LRMDA: variants seen among roughly 807,000 people sequenced by gnomAD.
The protein encoded by LRMDA is leucine rich melanocyte differentiation associated, also known as leucine-rich melanocyte differentiation-associated protein.
Under a neutral mutation model 29.8 loss-of-function variants are expected in LRMDA, and 18 were observed. That is an observed-to-expected ratio of 0.60 (90% CI 0.42 to 0.90). The LOEUF (loss-of-function observed/expected upper bound fraction) is 0.90, where lower values mean the gene tolerates loss of function less well. Among genes scored for constraint, LRMDA ranks in the 40% least tolerant of loss-of-function variants. The pLI, the probability that LRMDA is intolerant of heterozygous loss-of-function variation, is 0.00. For missense variants in LRMDA, 273 were observed against 273.9 expected (o/e 1.00, Z 0.02); for synonymous variants, 125 against 109.4 (o/e 1.14, Z -0.89).
At chr10:75,550,141 G>A (rs970822115) in intron 2 of LRMDA, among the ~76,000 whole-genome samples, 1 of 152,086 alleles carries the variant, frequency 6.6e-6, no homozygotes, top group Non-Finnish European at 1.5e-5. Flanking sequence ...AATGTTCCAT[G>A]GGCCCTTCAA....
chr10:76,122,140 G>A (rs922642162), intron 5 of LRMDA, among the ~76,000 whole-genome samples: 1 of 152,214 alleles, frequency 6.6e-6, no homozygotes, highest in African/African-American at 2.4e-5. Flanking sequence ...GTAGATGAGA[G>A]TTCCAGGCAG....
At chr10:76,540,361 C>T (rs1438084523) in intron 6 of LRMDA, among the ~76,000 whole-genome samples, 1 of 151,644 alleles carries the variant, frequency 6.6e-6, no homozygotes, top group Admixed American at 6.5e-5. Flanking sequence ...TCACGTATTA[C>T]TGGTTATTTT....
rs933414239 is a variant in LRMDA at position 76,558,938 on chromosome 10, T to G, written c.*1650T>G. The G allele has an allele frequency of 8.5e-5, 13 of 152,214 alleles. No individual in the cohort carries two copies. Among genetic ancestry groups the G allele is most frequent in the African/African-American group, 3.1e-4 (13 of 41,448 alleles). The allele number at this position is 152,214 out of a possible 1,614,324, so 9.4% of individuals were successfully genotyped here. A position where few individuals can be genotyped will look rare whatever the true frequency, so the allele number is the denominator to read the frequency against. ...AGAATGTTGAATGTTTGCATTTATCTCTCAAATCCATTAGTAACTGGATTT... is the reference window on the plus strand; with the variant it reads ...AGAATGTTGAATGTTTGCATTTATCGCTCAAATCCATTAGTAACTGGATTT... On this transcript the variant is annotated 3_prime_UTR_variant, in exon 7 of 7. Transcript: ENST00000611255.
intron 6 of LRMDA, among the ~76,000 whole-genome samples, chr10:76,506,469 G>A (rs992048857): frequency 6.6e-6 from 1 of 152,078 alleles, no homozygotes; most frequent in African/African-American, 2.4e-5. Flanking sequence ...CCAGGAGGCT[G>A]GGGCGACAAG....
intron 2 of LRMDA, among the ~76,000 whole-genome samples, chr10:75,990,059 C>T (rs1049845294): frequency 2.6e-5 from 4 of 152,088 alleles, no homozygotes; most frequent in Admixed American, 6.6e-5. Flanking sequence ...TCCATTCTGC[C>T]GTTCATTAAG....
At chr10:75,998,969 C>T (rs1157820728) in intron 2 of LRMDA, among the ~76,000 whole-genome samples, 2 of 152,172 alleles carry the variant, frequency 1.3e-5, no homozygotes, top group Non-Finnish European at 2.9e-5. Flanking sequence ...CCTTTTTCAA[C>T]CATCCATTCA....
At chr10:75,710,333 T>G (rs1283429041) in intron 2 of LRMDA, among the ~76,000 whole-genome samples, 1 of 152,208 alleles carries the variant, frequency 6.6e-6, no homozygotes, top group African/African-American at 2.4e-5. Flanking sequence ...TGTAGACTGT[T>G]ATTTATGGGT....
chr10:75,760,214 G>A (rs1313035217), intron 2 of LRMDA, among the ~76,000 whole-genome samples: 5 of 152,146 alleles, frequency 3.3e-5, no homozygotes, highest in East Asian at 1.9e-4. Context: ...GGCCCCAGGA[G>A]GACAGAAATG....
intron 2 of LRMDA, among the ~76,000 whole-genome samples, chr10:75,525,590 TTC>T (rs1331999908): frequency 1.8e-5 from 2 of 108,262 alleles, no homozygotes; most frequent in African/African-American, 3.3e-5. Flanking sequence ...CTTTCTTTCT[TTC>T]TTTTTTTTTT....
intron 2 of LRMDA, among the ~76,000 whole-genome samples, chr10:75,741,914 T>G (rs1842834616): frequency 6.6e-6 from 1 of 152,150 alleles, no homozygotes. Context: ...TCATGAACGA[T>G]GGGATTAGTA....
intron 3 of LRMDA, 23 bp from the exon 4 acceptor site, chr10:76,047,141 C>T: frequency 6.2e-7 from 1 of 1,613,424 alleles, no homozygotes; most frequent in Non-Finnish European, 8.5e-7. Context: ...TCTTACTGGA[C>T]CAAGATTCTT....
At chr10:75,580,643 G>A (rs889659813) in intron 2 of LRMDA, among the ~76,000 whole-genome samples, 4 of 152,172 alleles carry the variant, frequency 2.6e-5, no homozygotes, top group African/African-American at 7.2e-5. Context: ...AAAGCTGGAG[G>A]CATCATGCCA....
chr10:76,380,617 C>T (rs369956315), intron 6 of LRMDA, among the ~76,000 whole-genome samples: 5 of 147,214 alleles, frequency 3.4e-5, no homozygotes, highest in African/African-American at 7.6e-5. Flanking sequence ...TGCAGTGAGC[C>T]GAGATTGCAC....
chr10:75,969,010 G>C (rs1488916697), intron 2 of LRMDA, among the ~76,000 whole-genome samples: 1 of 152,082 alleles, frequency 6.6e-6, no homozygotes, highest in Non-Finnish European at 1.5e-5. Flanking sequence ...CCTTCAACTT[G>C]GGTAATATAA....
At chr10:76,549,984 T>G (rs1009272281) in intron 6 of LRMDA, among the ~76,000 whole-genome samples, 3 of 152,112 alleles carry the variant, frequency 2.0e-5, no homozygotes, top group Non-Finnish European at 4.4e-5. Flanking sequence ...CTCAAGAAAA[T>G]GGGACTTTGT....
At chr10:76,489,325 A>G (rs1299958437) in intron 6 of LRMDA, among the ~76,000 whole-genome samples, 1 of 151,800 alleles carries the variant, frequency 6.6e-6, no homozygotes, top group Non-Finnish European at 1.5e-5. Context: ...GTAGCCACTA[A>G]TTATCCTTTA....
intron 2 of LRMDA, among the ~76,000 whole-genome samples, chr10:75,739,345 C>T (rs752884868): frequency 5.9e-5 from 9 of 152,212 alleles, no homozygotes; most frequent in Non-Finnish European, 1.2e-4. Context: ...TGTTTCTCCT[C>T]ACCCCCTCCT....
At chr10:76,166,272 G>C (rs578124237) in intron 5 of LRMDA, among the ~76,000 whole-genome samples, 1 of 152,094 alleles carries the variant, frequency 6.6e-6, no homozygotes, top group Admixed American at 6.6e-5. Context: ...AAACCTGCTT[G>C]GTTCTTTGTT....
chr10:76,343,002 C>A (rs1254142750), intron 6 of LRMDA, among the ~76,000 whole-genome samples: 2 of 151,966 alleles, frequency 1.3e-5, no homozygotes, highest in African/African-American at 4.8e-5. Context: ...AAACCCTGAT[C>A]TGTACTGTTT....
Sources: allele counts gnomAD v4.1 joint callset (sites outside exome capture counted in the v4.1 genomes callset), GRCh38; gene constraint gnomAD v4.1.1; transcripts MANE v1.5; gene names NCBI Gene and HGNC (gene_info 2026-07-23, HGNC 2026-07-21).